Variants in SRGAP2 observed in about 807,000 individuals in gnomAD.
The protein encoded by SRGAP2 is SLIT-ROBO Rho GTPase activating protein 2, also known as SLIT-ROBO Rho GTPase-activating protein 2.
SRGAP2 carries 15 observed loss-of-function variants against 57.2 expected under a neutral mutation model. That is an observed-to-expected ratio of 0.26 (90% CI 0.18 to 0.40). The LOEUF is 0.40. Among genes scored for constraint, SRGAP2 ranks in the 10% least tolerant of loss-of-function variants. The pLI is 1.00. For missense variants in SRGAP2, 520 were observed against 669.6 expected, an observed-to-expected ratio of 0.78 and a Z score of 2.47; for synonymous variants, 249 against 248.0, an observed-to-expected ratio of 1.00 and a Z score of -0.04.
chr1:206,268,447 A>C (rs1459964231), intron 2 of SRGAP2, among the ~76,000 whole-genome samples: 1 of 151,894 alleles, frequency 6.6e-6, no homozygotes, highest in Non-Finnish European at 1.5e-5. Flanking sequence ...TCAAACATGG[A>C]ATATATTTTA....
chr1:206,222,500 A>G (rs1474768048), intron 2 of SRGAP2, among the ~76,000 whole-genome samples: 2 of 134,668 alleles, frequency 1.5e-5, no homozygotes, highest in Non-Finnish European at 3.2e-5. Context: ...GCTGCTCTGA[A>G]CATTCATGTA....
intron 3 of SRGAP2, among the ~76,000 whole-genome samples, chr1:206,310,230 A>C (rs1284936687): frequency 2.0e-5 from 3 of 151,432 alleles, no homozygotes; most frequent in Non-Finnish European, 4.4e-5. Flanking sequence ...GAGGAGATAG[A>C]ACATATGTAC....
intron 10 of SRGAP2, among the ~76,000 whole-genome samples, chr1:206,411,535 C>T (rs1330902002): frequency 2.0e-5 from 3 of 152,022 alleles, no homozygotes; most frequent in Non-Finnish European, 4.4e-5. Flanking sequence ...TAAAAATTGA[C>T]GGGGAGGAGG....
At chr1:206,360,314 C>G (rs370401046) in intron 4 of SRGAP2, among the ~76,000 whole-genome samples, 1,827 of 147,604 alleles carry the variant, frequency 0.012, 21 homozygotes, top group South Asian at 0.025. Context: ...ACAGAGTAGG[C>G]AAGAGGAAGA....
chr1:206,429,045 C>T lies in SRGAP2; in HGVS notation c.1495-1117C>T, dbSNP rs187281329. Among the ~76,000 whole-genome samples the T allele has an allele frequency of 1.5e-4, 23 of 152,312 alleles. No homozygotes were observed. In the East Asian group the frequency reaches 3.5e-3, roughly 23 times the overall value. On this transcript the variant is annotated intron_variant, in intron 13 of 22. Coordinates refer to ENST00000573034, the MANE Select transcript of SRGAP2 (RefSeq NM_015326.5). The stretch of plus-strand genomic sequence containing the variant: ...CTAAAGGACTTAGTACATGGCCTCA[C>T]ACCTCTTTAAATTCCTCTATAAATG...
rs531139166 is a variant in SRGAP2 at position 206,373,105 on chromosome 1, T to C, written c.424-10909T>C. ...CTTTCTGTCCTTTTTTTTTCTTTTT[T>C]TTTTTTTTTTTTCTGAGTCTTGCTC... On this transcript the variant is annotated intron_variant, in intron 4 of 22. Transcript: ENST00000573034. Among the ~76,000 whole-genome samples the C allele has an allele frequency of 8.7e-3, 1,073 of 123,482 alleles. 25 individuals carry two copies. The highest frequency in any genetic ancestry group is 0.036 in the African/African-American group (1,003 of 28,106). 81.0% of individuals were successfully genotyped at this position (123,482 alleles called of 152,430 possible). A position where few individuals can be genotyped will look rare whatever the true frequency, so the allele number is the denominator to read the frequency against.
intron 4 of SRGAP2, among the ~76,000 whole-genome samples, chr1:206,374,350 T>A (rs1655021870): frequency 6.9e-6 from 1 of 145,448 alleles, no homozygotes; most frequent in East Asian, 2.0e-4. Flanking sequence ...CGTGGAACAT[T>A]TACAAAGTTT....
At chr1:206,411,492 T>G (rs1431295574) in intron 10 of SRGAP2, among the ~76,000 whole-genome samples, 3 of 152,240 alleles carry the variant, frequency 2.0e-5, no homozygotes, top group African/African-American at 7.2e-5. Flanking sequence ...GTTTACTCTA[T>G]TATGTATTCT....
intron 2 of SRGAP2, among the ~76,000 whole-genome samples, chr1:206,240,480 C>T (rs1668154695): frequency 6.6e-6 from 1 of 152,084 alleles, no homozygotes; most frequent in Non-Finnish European, 1.5e-5. Flanking sequence ...GAAATGCTAG[C>T]GTCCTAGCCA....
chr1:206,404,486 C>CAGAA (rs1553356833), intron 8 of SRGAP2, among the ~76,000 whole-genome samples: 1 of 151,388 alleles, frequency 6.6e-6, no homozygotes, highest in East Asian at 2.0e-4. Context: ...CTCTCTCAGC[C>CAGAA]TTCTGCTCCT....
chr1:206,417,101 TTC>T (rs1553362290), intron 11 of SRGAP2, among the ~76,000 whole-genome samples: 2 of 148,952 alleles, frequency 1.3e-5, no homozygotes, highest in African/African-American at 5.1e-5. Context: ...ATCTAATGAC[TTC>T]TTTTTTTTTT....
At chr1:206,372,933 TTC>T (rs1654699768) in intron 4 of SRGAP2, among the ~76,000 whole-genome samples, 1 of 7,860 alleles carries the variant, frequency 1.3e-4, no homozygotes, top group African/African-American at 1.9e-3. Context: ...CTTTCTTTCT[TTC>T]TTTCTTTCTT....
chr1:206,318,525 A>C (rs1208520926), intron 3 of SRGAP2, among the ~76,000 whole-genome samples: 7 of 152,350 alleles, frequency 4.6e-5, no homozygotes, highest in African/African-American at 1.7e-4. Context: ...ACAAATACAC[A>C]GTGTATTAGG....
At position 206,425,860 on chromosome 1, in the gene SRGAP2, T is replaced by C. The variant is rs368559572; in HGVS notation, c.1495-4302T>C. On this transcript the variant is annotated intron_variant, in intron 13 of 22. Coordinates refer to ENST00000573034, the MANE Select transcript of SRGAP2 (RefSeq NM_015326.5). The stretch of plus-strand genomic sequence containing the variant: ...CAACCTCACTTCTTTTTTTTTTTTT[T>C]TTTGAGATGGAGTTTCACTCTTGTC... Among the ~76,000 whole-genome samples the C allele has an allele frequency of 1.4e-4, 21 of 151,400 alleles. No homozygotes were observed. The East Asian group carries it at 1.9e-3, about 14-fold the overall frequency.
At chr1:206,424,483 C>T (rs1043342214) in intron 13 of SRGAP2, among the ~76,000 whole-genome samples, 1 of 152,078 alleles carries the variant, frequency 6.6e-6, no homozygotes, top group African/African-American at 2.4e-5. Flanking sequence ...GGTAAAACCC[C>T]GTCTCTACCA....
intron 2 of SRGAP2, among the ~76,000 whole-genome samples, chr1:206,290,677 T>C (rs1190992828): frequency 1.3e-5 from 2 of 150,610 alleles, no homozygotes; most frequent in African/African-American, 4.9e-5. Flanking sequence ...AGAAGAAATG[T>C]ATGTAGTGCT....
intron 5 of SRGAP2, among the ~76,000 whole-genome samples, chr1:206,389,992 A>G (rs200167880): frequency 1.3e-5 from 2 of 150,762 alleles, no homozygotes; most frequent in Non-Finnish European, 3.0e-5. Flanking sequence ...GTACATAGAT[A>G]TATATATCTA....
At chr1:206,352,801 A>G (rs1676131253) in intron 4 of SRGAP2, among the ~76,000 whole-genome samples, 2 of 151,258 alleles carry the variant, frequency 1.3e-5, no homozygotes, top group African/African-American at 2.5e-5. Context: ...TGTATGTAAT[A>G]TATCATCTTT....
chr1:206,373,100 T>C (rs1235857418), intron 4 of SRGAP2, among the ~76,000 whole-genome samples: 1 of 105,354 alleles, frequency 9.5e-6, no homozygotes, highest in Admixed American at 8.9e-5. Context: ...TTTTTTTTTC[T>C]TTTTTTTTTT....
Sources: allele counts gnomAD v4.1 joint callset (sites outside exome capture counted in the v4.1 genomes callset), GRCh38; gene constraint gnomAD v4.1.1; transcripts MANE v1.5; gene names NCBI Gene and HGNC (gene_info 2026-07-23, HGNC 2026-07-21).